Variants in SRBD1 observed in about 807,000 individuals in gnomAD.
The protein encoded by SRBD1 is S1 RNA-binding domain-containing protein 1.
In SRBD1, 88 loss-of-function variants were observed where a neutral mutation model predicts 115.3. The ratio of observed to expected loss-of-function variants is 0.76; its 90% CI spans 0.64 to 0.91. SRBD1 has a LOEUF of 0.91. Among genes scored for constraint, SRBD1 ranks in the 40% least tolerant of loss-of-function variants. The pLI, the probability that SRBD1 is intolerant of heterozygous loss-of-function variation, is 0.00. For missense variants in SRBD1, 1,385 were observed against 1,177.4 expected, an observed-to-expected ratio of 1.18 and a Z score of -2.58; for synonymous variants, 509 against 407.7, an observed-to-expected ratio of 1.25 and a Z score of -2.99.
chr2:45,402,099 C>G (rs533272301), intron 19 of SRBD1, among the ~76,000 whole-genome samples: 1 of 152,106 alleles, frequency 6.6e-6, no homozygotes, highest in Non-Finnish European at 1.5e-5. Flanking sequence ...TTTAGCTCCA[C>G]GGCAGGGAGC....
intron 16 of SRBD1, among the ~76,000 whole-genome samples, chr2:45,472,435 T>C (rs1248712384): frequency 6.6e-6 from 1 of 152,214 alleles, no homozygotes; most frequent in African/African-American, 2.4e-5. Flanking sequence ...TTTAAATCAA[T>C]GAATTGTATG....
intron 14 of SRBD1, among the ~76,000 whole-genome samples, chr2:45,537,175 T>C (rs892804270): frequency 6.6e-6 from 1 of 152,190 alleles, no homozygotes; most frequent in Admixed American, 6.5e-5. Context: ...TGAATCTGGA[T>C]AGTATGGATA....
intron 10 of SRBD1, among the ~76,000 whole-genome samples, chr2:45,558,387 G>A (rs1032226914): frequency 7.2e-5 from 11 of 152,114 alleles, no homozygotes; most frequent in Admixed American, 3.3e-4. Flanking sequence ...AATTACTGAG[G>A]TTCTCACAAA....
rs754960988 is a variant in SRBD1, at chr2:45,579,859, TA to T, written c.1072+15del. The T allele has an allele frequency of 1.3e-6, 2 of 1,524,538 alleles. No homozygotes were observed. Among genetic ancestry groups the T allele is most frequent in the Non-Finnish European group, 1.8e-6 (2 of 1,141,498 alleles). 94.4% of individuals were successfully genotyped at this position (1,524,538 alleles called of 1,614,324 possible). A position where few individuals can be genotyped will look rare whatever the true frequency, so the allele number is the denominator to read the frequency against. ...AAAAAAGAAACAAAGTTGATCTCTG[TA>T]AATAAAGCCAGTACCTTTAACGTCA... is the stretch of plus-strand genomic sequence containing the variant. On this transcript the variant is annotated intron_variant, in intron 7 of 20. Transcript: ENST00000263736.
At chr2:45,397,215 G>A (rs1262124770) in intron 19 of SRBD1, among the ~76,000 whole-genome samples, 1 of 152,022 alleles carries the variant, frequency 6.6e-6, no homozygotes, top group Non-Finnish European at 1.5e-5. Flanking sequence ...AGAAAATCTG[G>A]CCTTCTAAAA....
At chr2:45,500,593 T>C (rs1405016737) in intron 14 of SRBD1, among the ~76,000 whole-genome samples, 2 of 152,096 alleles carry the variant, frequency 1.3e-5, no homozygotes, top group East Asian at 3.8e-4. Context: ...CAGCTAATTT[T>C]TTTGTAGACA....
At chr2:45,426,564 T>C (rs1045812787) in intron 16 of SRBD1, among the ~76,000 whole-genome samples, 1 of 152,062 alleles carries the variant, frequency 6.6e-6, no homozygotes, top group African/African-American at 2.4e-5. Flanking sequence ...GGGAGACACC[T>C]CCCAGCAGGA....
Position 45,555,514 on chromosome 2 carries a change from G to A in SRBD1, c.1410-1784C>T, listed in dbSNP as rs529982762. Among the ~76,000 whole-genome samples, 5 of 130,096 alleles carry A rather than the reference G, an allele frequency of 3.8e-5. No homozygotes were observed. In the South Asian group the frequency reaches 9.8e-4, roughly 25 times the overall value. The allele number at this position is 130,096 out of a possible 152,430, so 85.3% of individuals were successfully genotyped here. A position where few individuals can be genotyped will look rare whatever the true frequency, so the allele number is the denominator to read the frequency against. ...TTTTTTTTTTTTTTTTTTTTGAGACGGAGTCCTGCTCTGTCGCCCAGGCTG... is the reference window on the plus strand; with the variant it reads ...TTTTTTTTTTTTTTTTTTTTGAGACAGAGTCCTGCTCTGTCGCCCAGGCTG... On this transcript the variant is annotated intron_variant, in intron 10 of 20. Transcript: ENST00000263736.
At chr2:45,449,977 G>C (rs1035674395) in intron 16 of SRBD1, among the ~76,000 whole-genome samples, 71 of 152,186 alleles carry the variant, frequency 4.7e-4, no homozygotes, top group Middle Eastern at 3.4e-3. Context: ...GGTGAAACCA[G>C]GTATCACATA....
chr2:45,432,799 G>T (rs1021635854), intron 16 of SRBD1, among the ~76,000 whole-genome samples: 1 of 152,112 alleles, frequency 6.6e-6, no homozygotes, highest in African/African-American at 2.4e-5. Context: ...TAAAATTTAT[G>T]AGATTTTTAC....
intron 16 of SRBD1, among the ~76,000 whole-genome samples, chr2:45,440,483 T>C (rs189509113): frequency 1.3e-5 from 2 of 152,274 alleles, no homozygotes; most frequent in Admixed American, 6.5e-5. Context: ...AAGAAAACAT[T>C]AGTATATCTG....
chr2:45,406,601 A>G (rs1667444930), intron 19 of SRBD1, among the ~76,000 whole-genome samples: 1 of 152,144 alleles, frequency 6.6e-6, no homozygotes, highest in Non-Finnish European at 1.5e-5. Context: ...CTCTCCTAAA[A>G]TAAGACAGCA....
chr2:45,580,073 G>A, intron 6 of SRBD1, 60 bp from the exon 7 acceptor site: 1 of 1,374,740 alleles, frequency 7.3e-7, no homozygotes, highest in Non-Finnish European at 9.6e-7. Flanking sequence ...GTTAAAACTA[G>A]GTTACAAAAT....
At chr2:45,428,665 A>C (rs1668236376) in intron 16 of SRBD1, among the ~76,000 whole-genome samples, 1 of 152,194 alleles carries the variant, frequency 6.6e-6, no homozygotes, top group South Asian at 2.1e-4. Context: ...CAGCTAAAGC[A>C]GCATTTAAAA....
chr2:45,433,840 T>C (rs1668410508), intron 16 of SRBD1, among the ~76,000 whole-genome samples: 1 of 152,244 alleles, frequency 6.6e-6, no homozygotes. Context: ...CACATTCTTT[T>C]AAAAATACAT....
chr2:45,394,495 A>G (rs1035635352), intron 19 of SRBD1, among the ~76,000 whole-genome samples: 2 of 152,230 alleles, frequency 1.3e-5, no homozygotes, highest in African/African-American at 2.4e-5. Context: ...TGGAATACAA[A>G]AAGAGAAAAA....
chr2:45,562,835 A>ACATAG, intron 9 of SRBD1, 79 bp from the exon 10 acceptor site: 2 of 866,274 alleles, frequency 2.3e-6, no homozygotes, highest in Non-Finnish European at 3.5e-6. Flanking sequence ...GCTGACAGCT[A>ACATAG]TATGAATTTT....
intron 14 of SRBD1, among the ~76,000 whole-genome samples, chr2:45,516,642 G>A (rs1301575183): frequency 6.6e-6 from 1 of 152,122 alleles, no homozygotes; most frequent in Non-Finnish European, 1.5e-5. Flanking sequence ...GCTTACAGGA[G>A]TAGATAGTTC....
At chr2:45,586,573 T>C (rs1350358012) in intron 4 of SRBD1, among the ~76,000 whole-genome samples, 1 of 152,160 alleles carries the variant, frequency 6.6e-6, no homozygotes, top group East Asian at 1.9e-4. Context: ...TGAGACAGTG[T>C]CTCGCTCTTT....
Sources: gnomAD v4.1 joint callset for allele counts (sites outside exome capture counted in the v4.1 genomes callset) on GRCh38, gnomAD v4.1.1 for gene constraint, MANE v1.5 for transcripts, NCBI Gene and HGNC (gene_info 2026-07-23, HGNC 2026-07-21) for gene names.